Variants in RELB observed in about 807,000 individuals in gnomAD.
RELB encodes RELB proto-oncogene, NF-kB subunit, also known as transcription factor RelB.
Under a neutral mutation model 55.4 loss-of-function variants are expected in RELB, and 14 were observed. That is an observed-to-expected ratio of 0.25 (90% CI 0.17 to 0.40). The LOEUF (loss-of-function observed/expected upper bound fraction) is 0.40. Ranked by LOEUF, RELB falls within the 10% of genes least tolerant of loss-of-function variation. The pLI, the probability that RELB is intolerant of heterozygous loss-of-function variation, is 1.00. For synonymous variants in RELB, 409 were observed against 371.3 expected, an observed-to-expected ratio of 1.10 and a Z score of -1.17; for missense variants, 669 against 830.7, an observed-to-expected ratio of 0.81 and a Z score of 2.39.
chr19:45,031,930 A>G (rs541235059), intron 8 of RELB, among the ~76,000 whole-genome samples: 7 of 151,996 alleles, frequency 4.6e-5, no homozygotes, highest in Admixed American at 4.6e-4. Context: ...TAAATGAGAT[A>G]ATATATATAA....
chr19:45,032,034 G>A (rs1042397005), intron 8 of RELB, among the ~76,000 whole-genome samples: 2 of 151,168 alleles, frequency 1.3e-5, no homozygotes, highest in African/African-American at 2.4e-5. Context: ...TCAGGAGAGC[G>A]AGACCATCCT....
intron 2 of RELB, 103 bp downstream of exon 2, chr19:45,003,099 G>C (rs1371361398): frequency 1.8e-6 from 2 of 1,132,544 alleles, no homozygotes; most frequent in East Asian, 5.2e-5. Context: ...GTCCACCTCA[G>C]CTTTCTCCTG....
Position 45,037,493 on chromosome 19 carries a change from G to C in RELB, c.1443G>C (p.Gly481=). 1 of 1,612,518 alleles carries C rather than the reference G, an allele frequency of 6.2e-7. No homozygotes were observed. The highest frequency in any genetic ancestry group is 8.5e-7 in the Non-Finnish European group (1 of 1,179,698). ...VSLPGLEPPG[G]PDLLDDGFAY... is the part of the protein sequence containing the mutation. ...TGCCCGGCCTGGAGCCCCCTGGCGG[G>C]CCTGACCTCCTGGACGATGGCTTTG... Residue 481 remains glycine (G), a synonymous_variant, in exon 12 of 12, where the codon GGG becomes GGC. Coordinates refer to ENST00000221452, the MANE Select transcript of RELB (RefSeq NM_006509.4).
chr19:45,032,456 T>G, intron 8 of RELB, 78 bp from the exon 9 acceptor site: 1 of 1,220,548 alleles, frequency 8.2e-7, no homozygotes, highest in Non-Finnish European at 1.2e-6. Context: ...TAGTCTTGAT[T>G]TTAGGGGAGG....
chr19:45,033,318 T>C (rs1241882514), intron 9 of RELB, among the ~76,000 whole-genome samples: 2 of 152,072 alleles, frequency 1.3e-5, no homozygotes, highest in East Asian at 1.9e-4. Context: ...AAGAGTGCTT[T>C]AAACAGCTGG....
chr19:45,002,158 A>G (rs1308568293), intron 1 of RELB, among the ~76,000 whole-genome samples: 1 of 146,308 alleles, frequency 6.8e-6, no homozygotes, highest in African/African-American at 2.5e-5. Context: ...GAGTTGGCCG[A>G]AAGAAGGGGA....
At position 45,037,453 on chromosome 19, in the gene RELB, C is replaced by T; in HGVS notation, c.1403C>T (p.Ser468Phe). The T allele has an allele frequency of 6.2e-7, 1 of 1,606,208 alleles. No individual in the cohort carries two copies. ...CTGCTGCCAGACCCTGACTTCTTCT[C>T]TGGCACCGTGTCCCTGCCCGGCCTG... ...SALLPDPDFF[S>F]GTVSLPGLEP... The change falls in exon 12 of 12, where the codon TCT (serine) becomes TTT (phenylalanine). Residue 468 changes from serine to phenylalanine, a missense_variant. Physicochemically the swap from Ser to Phe is radical, Grantham distance 155. Transcript: ENST00000221452.
At chr19:45,010,117 T>C (rs1041953219) in intron 3 of RELB, among the ~76,000 whole-genome samples, 2 of 149,912 alleles carry the variant, frequency 1.3e-5, no homozygotes, top group African/African-American at 2.5e-5. Flanking sequence ...CTGGGTAACA[T>C]AGTGAGACCC....
At chr19:45,017,802 T>A (rs1478560955) in intron 4 of RELB, among the ~76,000 whole-genome samples, 5 of 150,814 alleles carry the variant, frequency 3.3e-5, no homozygotes, top group Non-Finnish European at 7.4e-5. Flanking sequence ...TGTACCATCA[T>A]GCCTGGCTAA....
intron 1 of RELB, among the ~76,000 whole-genome samples, chr19:45,002,322 C>T (rs1003288798): frequency 1.2e-4 from 18 of 152,236 alleles, no homozygotes; most frequent in African/African-American, 4.1e-4. Flanking sequence ...AGTGGTCTGA[C>T]CCTGACAGGA....
At chr19:45,015,997 TTTATTA>T (rs1191506373) in intron 4 of RELB, among the ~76,000 whole-genome samples, 1 of 151,568 alleles carries the variant, frequency 6.6e-6, no homozygotes, top group African/African-American at 2.4e-5. Context: ...TTTATTTTAT[TTTATTA>T]TTATTTTTTT....
intron 4 of RELB, among the ~76,000 whole-genome samples, chr19:45,014,501 G>C (rs1489868537): frequency 6.9e-6 from 1 of 144,212 alleles, no homozygotes; most frequent in Non-Finnish European, 1.5e-5. Flanking sequence ...CAGTTATTCT[G>C]GCTCAGAGTT....
At chr19:45,004,729 T>C (rs181110975) in intron 2 of RELB, among the ~76,000 whole-genome samples, 4 of 151,624 alleles carry the variant, frequency 2.6e-5, no homozygotes, top group Non-Finnish European at 4.4e-5. Context: ...TAGCTGGGCG[T>C]GGTGGCGCAT....
intron 8 of RELB, among the ~76,000 whole-genome samples, chr19:45,029,576 G>A (rs34491117): frequency 2.0e-5 from 3 of 151,742 alleles, no homozygotes; most frequent in Admixed American, 6.6e-5. Context: ...AGGGCTGGGC[G>A]CAGTGGCTCA....
intron 2 of RELB, among the ~76,000 whole-genome samples, chr19:45,008,879 G>A (rs1039317005): frequency 6.6e-6 from 1 of 152,092 alleles, no homozygotes; most frequent in African/African-American, 2.4e-5. Context: ...GGTCGGTTTC[G>A]ATTCCTCCAC....
intron 4 of RELB, among the ~76,000 whole-genome samples, chr19:45,014,001 T>C (rs1971392375): frequency 6.6e-6 from 1 of 151,996 alleles, no homozygotes; most frequent in South Asian, 2.1e-4. Flanking sequence ...TTCCCAATAT[T>C]GGTGATGCTG....
rs2122503296 is a variant in RELB at position 45,037,451 on chromosome 19, C to T, written c.1401C>T (p.Phe467=). ...PSALLPDPDF[F]SGTVSLPGLE... is the part of the protein sequence containing the mutation. ...CCCTGCTGCCAGACCCTGACTTCTT[C>T]TCTGGCACCGTGTCCCTGCCCGGCC... Residue 467 remains phenylalanine (F), a synonymous_variant, in exon 12 of 12, where the codon TTC becomes TTT. Coordinates refer to ENST00000221452, the MANE Select transcript of RELB (RefSeq NM_006509.4). 1 of 1,605,556 alleles carries T rather than the reference C, an allele frequency of 6.2e-7. No individual in the cohort carries two copies. Among genetic ancestry groups the T allele is most frequent in the Non-Finnish European group, 8.5e-7 (1 of 1,178,136 alleles).
At position 45,037,860 on chromosome 19, in the gene RELB, T is replaced by C. The variant is rs949667481; in HGVS notation, c.*70T>C. The C allele has an allele frequency of 1.3e-5, 18 of 1,401,564 alleles. No individual in the cohort carries two copies. The highest frequency in any genetic ancestry group is 1.6e-5 in the Non-Finnish European group (17 of 1,064,942). 86.8% of individuals were successfully genotyped at this position (1,401,564 alleles called of 1,614,324 possible). On this transcript the variant is annotated 3_prime_UTR_variant, in exon 12 of 12. Coordinates refer to ENST00000221452, the MANE Select transcript of RELB (RefSeq NM_006509.4). ...AGGAGCCGTGCAATCCCAACCAGGA[T>C]GTCTAGCACCCCCATCCCCTTGGCC... is the stretch of plus-strand genomic sequence containing the variant.
At chr19:45,018,932 C>T (rs567414887) in intron 4 of RELB, among the ~76,000 whole-genome samples, 2 of 152,232 alleles carry the variant, frequency 1.3e-5, no homozygotes, top group East Asian at 1.9e-4. Flanking sequence ...CGCCAGATTA[C>T]AGGCGTGAGC....
Sources: allele counts gnomAD v4.1 joint callset (sites outside exome capture counted in the v4.1 genomes callset), GRCh38; gene constraint gnomAD v4.1.1; transcripts MANE v1.5; gene names NCBI Gene and HGNC (gene_info 2026-07-23, HGNC 2026-07-21).